The following RALYL variants were observed in gnomAD, a reference collection of about 807,000 sequenced individuals.
RALYL encodes the protein RNA-binding Raly-like protein.
A neutral mutation model predicts 35.1 loss-of-function variants in RALYL; 29 were observed. The observed-to-expected ratio is 0.83, with a 90% confidence interval of 0.61 to 1.13. RALYL has a LOEUF of 1.13. RALYL is among the 50% of genes most tolerant of loss of function. The pLI is 0.00. For missense variants in RALYL, 359 were observed against 360.4 expected, an observed-to-expected ratio of 1.00 and a Z score of 0.03; for synonymous variants, 120 against 127.6, an observed-to-expected ratio of 0.94 and a Z score of 0.40.
At chr8:84,288,584 C>T (rs1838141672) in intron 1 of RALYL, among the ~76,000 whole-genome samples, 1 of 152,028 alleles carries the variant, frequency 6.6e-6, no homozygotes, top group African/African-American at 2.4e-5. Flanking sequence ...TTTTTAGTTG[C>T]ATATTATTGT....
At chr8:84,753,782 GC>G (rs1810659721) in intron 2 of RALYL, among the ~76,000 whole-genome samples, 1 of 152,094 alleles carries the variant, frequency 6.6e-6, no homozygotes, top group Admixed American at 6.6e-5. Flanking sequence ...CCCCTGTACA[GC>G]CAATTAAACC....
intron 2 of RALYL, among the ~76,000 whole-genome samples, chr8:84,681,796 T>G (rs1282964535): frequency 6.6e-6 from 1 of 152,210 alleles, no homozygotes; most frequent in Non-Finnish European, 1.5e-5. Context: ...CAGGGACAAT[T>G]TGACTTCCTC....
At chr8:84,525,318 ATTTG>A (rs937366339) in intron 1 of RALYL, among the ~76,000 whole-genome samples, 1 of 152,018 alleles carries the variant, frequency 6.6e-6, no homozygotes, top group Non-Finnish European at 1.5e-5. Flanking sequence ...TTCCCTTGTC[ATTTG>A]TTTTTTAGTT....
intron 2 of RALYL, among the ~76,000 whole-genome samples, chr8:84,578,745 T>C (rs2135934840): frequency 6.6e-6 from 1 of 152,242 alleles, no homozygotes; most frequent in Non-Finnish European, 1.5e-5. Flanking sequence ...AGGCAAGCTG[T>C]CCCAACAAGT....
chr8:84,325,822 T>C (rs893241056), intron 1 of RALYL, among the ~76,000 whole-genome samples: 2 of 152,312 alleles, frequency 1.3e-5, no homozygotes, highest in East Asian at 3.9e-4. Context: ...ACAAGAATAG[T>C]TGTGTCACTT....
In RALYL at chr8:84,837,845, A is replaced by T. The variant is rs145927209; in HGVS notation, c.366-12135A>T. ...TTTGCACTAAACATTCAAAACCATC[A>T]TTTCATTTTTCTAGAAGGTCAAATA... On this transcript the variant is annotated intron_variant, in intron 4 of 8. Coordinates refer to ENST00000521268, the MANE Select transcript of RALYL (RefSeq NM_173848.7). Among the ~76,000 whole-genome samples the T allele has an allele frequency of 7.9e-5, 12 of 152,258 alleles. No homozygotes were observed. In the East Asian group the frequency reaches 2.3e-3, roughly 29 times the overall value.
chr8:84,581,903 A>C (rs1171591685), intron 2 of RALYL, among the ~76,000 whole-genome samples: 1 of 152,072 alleles, frequency 6.6e-6, no homozygotes, highest in Admixed American at 6.6e-5. Context: ...TCCAAACAAT[A>C]GATAAAGAAA....
At chr8:84,240,493 A>G (rs1376988085) in intron 1 of RALYL, among the ~76,000 whole-genome samples, 1 of 152,352 alleles carries the variant, frequency 6.6e-6, no homozygotes, top group East Asian at 1.9e-4. Flanking sequence ...TTCAAATAAC[A>G]TGCATTCTTG....
chr8:84,296,967 A>T (rs138116119), intron 1 of RALYL, among the ~76,000 whole-genome samples: 4 of 151,838 alleles, frequency 2.6e-5, no homozygotes, highest in African/African-American at 9.7e-5. Flanking sequence ...TATGTGACAG[A>T]TGAGTTGGTC....
intron 1 of RALYL, among the ~76,000 whole-genome samples, chr8:84,307,700 G>A (rs1293501291): frequency 3.3e-5 from 5 of 152,164 alleles, no homozygotes; most frequent in Non-Finnish European, 5.9e-5. Flanking sequence ...GGGGAAGAAA[G>A]AGGAGCAAGG....
intron 1 of RALYL, among the ~76,000 whole-genome samples, chr8:84,198,774 C>T (rs553171737): frequency 2.1e-4 from 32 of 152,218 alleles, no homozygotes; most frequent in African/African-American, 7.2e-4. Flanking sequence ...TATCTTACTT[C>T]GTTTAACATA....
intron 2 of RALYL, among the ~76,000 whole-genome samples, chr8:84,720,038 T>G (rs1401052314): frequency 6.6e-6 from 1 of 152,114 alleles, no homozygotes; most frequent in African/African-American, 2.4e-5. Flanking sequence ...CCTAGCTCAC[T>G]TCACTTAATG....
chr8:84,518,857 G>A (rs2058253318), intron 1 of RALYL, among the ~76,000 whole-genome samples: 1 of 152,150 alleles, frequency 6.6e-6, no homozygotes. Context: ...TTTGAACAAA[G>A]AGGACAAGAA....
intron 1 of RALYL, among the ~76,000 whole-genome samples, chr8:84,327,680 GA>G (rs147645854): frequency 2.1e-3 from 293 of 140,916 alleles, no homozygotes; most frequent in African/African-American, 4.8e-3. Flanking sequence ...GCCCTTCACA[GA>G]AAAAAAAAAA....
At chr8:84,318,160 A>G (rs978995224) in intron 1 of RALYL, among the ~76,000 whole-genome samples, 2 of 152,106 alleles carry the variant, frequency 1.3e-5, no homozygotes, top group Middle Eastern at 3.2e-3. Flanking sequence ...AAGACGTATT[A>G]AGAACTTCAG....
At chr8:84,916,269 C>G (rs954446832) in intron 8 of RALYL, among the ~76,000 whole-genome samples, 2 of 151,878 alleles carry the variant, frequency 1.3e-5, no homozygotes, top group African/African-American at 4.8e-5. Flanking sequence ...TATCACATAT[C>G]TTGTATCTTA....
At chr8:84,353,990 A>G (rs541362755) in intron 1 of RALYL, among the ~76,000 whole-genome samples, 17 of 149,950 alleles carry the variant, frequency 1.1e-4, no homozygotes, top group East Asian at 3.9e-4. Flanking sequence ...GTTGTTGTCA[A>G]TGACTCACAG....
Position 84,184,414 on chromosome 8 carries a change from G to T in RALYL, c.-34G>T, listed in dbSNP as rs1811941448. The stretch of plus-strand genomic sequence containing the variant: ...GATGAAGTGAACAGCTGAGCAGCTC[G>T]CAGAGAGCAGGTACTTGGTCCCCTT... On this transcript the variant is annotated 5_prime_UTR_variant, in exon 1 of 9. Transcript: ENST00000521268. 1 of 152,460 alleles carries T rather than the reference G, an allele frequency of 6.6e-6. No individual in the cohort carries two copies. The allele number at this position is 152,460 out of a possible 1,614,324, so 9.4% of individuals were successfully genotyped here.
intron 2 of RALYL, among the ~76,000 whole-genome samples, chr8:84,577,188 G>A (rs986718381): frequency 3.3e-5 from 5 of 152,228 alleles, no homozygotes; most frequent in African/African-American, 9.6e-5. Context: ...TTCCTTGAGG[G>A]AAGGAAACAG....
Sources: allele counts gnomAD v4.1 joint callset (sites outside exome capture counted in the v4.1 genomes callset), GRCh38; gene constraint gnomAD v4.1.1; transcripts MANE v1.5; gene names NCBI Gene and HGNC (gene_info 2026-07-23, HGNC 2026-07-21).